The following PCDH15 variants were observed in gnomAD, a reference collection of about 807,000 sequenced individuals.
PCDH15 encodes the protein protocadherin-15.
Under a neutral mutation model 178.5 loss-of-function variants are expected in PCDH15, and 129 were observed. That is an observed-to-expected ratio of 0.72 (90% CI 0.63 to 0.84). PCDH15 has a LOEUF of 0.84. Ranked by LOEUF, PCDH15 falls within the 40% of genes least tolerant of loss-of-function variation. The pLI is 0.00. For missense variants in PCDH15, 2,230 were observed against 2,099.9 expected, an observed-to-expected ratio of 1.06 and a Z score of -1.21; for synonymous variants, 800 against 732.0, an observed-to-expected ratio of 1.09 and a Z score of -1.50.
At chr10:54,442,403 G>T (rs1276596084) in intron 3 of PCDH15, among the ~76,000 whole-genome samples, 1 of 41,722 alleles carries the variant, frequency 2.4e-5, no homozygotes, top group Non-Finnish European at 4.7e-5. Context: ...AAAAAAAAAA[G>T]GCCTTAAAGG....
intron 2 of PCDH15, among the ~76,000 whole-genome samples, chr10:54,619,479 G>A (rs2093287615): frequency 6.6e-6 from 1 of 152,046 alleles, no homozygotes; most frequent in Non-Finnish European, 1.5e-5. Context: ...TGATACTGAT[G>A]AGAAACACAT....
intron 29 of PCDH15, among the ~76,000 whole-genome samples, chr10:53,837,103 C>A (rs1203592017): frequency 8.9e-6 from 1 of 112,060 alleles, no homozygotes; most frequent in Non-Finnish European, 1.8e-5. Flanking sequence ...TCTATGTGGG[C>A]GGGGGAGGGG....
intron 2 of PCDH15, among the ~76,000 whole-genome samples, chr10:55,437,587 A>C (rs1362342882): frequency 6.6e-6 from 1 of 152,156 alleles, no homozygotes; most frequent in East Asian, 1.9e-4. Context: ...GACAGAAAGC[A>C]CTATTCATTG....
intron 5 of PCDH15, among the ~76,000 whole-genome samples, chr10:54,353,517 T>C (rs1034995013): frequency 2.0e-5 from 3 of 152,162 alleles, no homozygotes; most frequent in African/African-American, 7.2e-5. Flanking sequence ...TAAAATTTCC[T>C]AATATCCCTG....
At position 54,167,329 on chromosome 10, in the gene PCDH15, C is replaced by T. The variant is rs2133546611; in HGVS notation, c.1591-14036G>A. On this transcript the variant is annotated intron_variant, in intron 13 of 37. Transcript: ENST00000644397. Reference sequence around the variant, plus strand: ...AACCTCTCTCACTGTCCCTCAACCACTTTCTCCTTTCCACTCTTCAATCTC... The same window carrying T: ...AACCTCTCTCACTGTCCCTCAACCATTTTCTCCTTTCCACTCTTCAATCTC... Among the ~76,000 whole-genome samples the T allele has an allele frequency of 1.3e-5, 2 of 152,286 alleles. 1 individual carries two copies. The highest frequency in any genetic ancestry group is 6.8e-3 in the Middle Eastern group (2 of 294).
chr10:55,056,610 T>TTTATTATTATTATTATTA (rs60186759), intron 2 of PCDH15, among the ~76,000 whole-genome samples: 1 of 142,992 alleles, frequency 7.0e-6, no homozygotes, highest in African/African-American at 2.6e-5. Flanking sequence ...TTTATTTTGT[T>TTTATTATTATTATTATTA]TTATTATTAT....
intron 2 of PCDH15, among the ~76,000 whole-genome samples, chr10:55,343,310 C>CAA (rs544485917): frequency 2.6e-5 from 4 of 152,170 alleles, no homozygotes; most frequent in African/African-American, 9.6e-5. Flanking sequence ...TGTATGCTAT[C>CAA]AAAAACAAAA....
chr10:53,845,172 T>TTA (rs1214167127), intron 28 of PCDH15, among the ~76,000 whole-genome samples: 2 of 151,738 alleles, frequency 1.3e-5, no homozygotes, highest in South Asian at 2.1e-4. Flanking sequence ...CAATGAAATA[T>TTA]TATCTCATCC....
intron 1 of PCDH15, among the ~76,000 whole-genome samples, chr10:54,769,517 G>A (rs369380643): frequency 1.1e-4 from 16 of 151,120 alleles, no homozygotes; most frequent in Non-Finnish European, 1.6e-4. Flanking sequence ...TAGTGTGTGC[G>A]TCACCAAGAT....
chr10:54,905,094 C>T (rs904931849), intron 2 of PCDH15, among the ~76,000 whole-genome samples: 2 of 151,884 alleles, frequency 1.3e-5, no homozygotes, highest in African/African-American at 2.4e-5. Flanking sequence ...TGTCTGAGGT[C>T]CCACACCTAA....
At chr10:55,414,825 TAG>T (rs1838438280) in intron 2 of PCDH15, among the ~76,000 whole-genome samples, 2 of 150,174 alleles carry the variant, frequency 1.3e-5, no homozygotes, top group Non-Finnish European at 3.0e-5. Flanking sequence ...GTGTTGTGTA[TAG>T]AGTCTTTAGG....
At chr10:55,107,967 A>G (rs1239022749) in intron 2 of PCDH15, among the ~76,000 whole-genome samples, 1 of 152,144 alleles carries the variant, frequency 6.6e-6, no homozygotes, top group Non-Finnish European at 1.5e-5. Flanking sequence ...TGGAGATGAG[A>G]CATTTGGAAG....
At chr10:54,614,759 T>C (rs2093075430) in intron 2 of PCDH15, among the ~76,000 whole-genome samples, 1 of 152,008 alleles carries the variant, frequency 6.6e-6, no homozygotes, top group South Asian at 2.1e-4. Context: ...TCCACTTGCA[T>C]ACTCCTGTGT....
chr10:54,615,249 T>G (rs1485707233), intron 2 of PCDH15, among the ~76,000 whole-genome samples: 1 of 152,068 alleles, frequency 6.6e-6, no homozygotes, highest in Non-Finnish European at 1.5e-5. Context: ...GGGTTATTTC[T>G]ATTGGCAGCC....
intron 2 of PCDH15, among the ~76,000 whole-genome samples, chr10:54,960,091 G>A (rs1221721549): frequency 6.6e-6 from 1 of 152,016 alleles, no homozygotes; most frequent in Non-Finnish European, 1.5e-5. Flanking sequence ...TACTTCACCT[G>A]GAAAATGCTT....
chr10:54,171,386 A>C (rs1564596389), intron 13 of PCDH15, among the ~76,000 whole-genome samples: 1 of 152,186 alleles, frequency 6.6e-6, no homozygotes. Context: ...AGAATGCTAC[A>C]GGGGTACAGC....
At chr10:54,278,745 G>A (rs1196723280) in intron 8 of PCDH15, among the ~76,000 whole-genome samples, 1 of 151,500 alleles carries the variant, frequency 6.6e-6, no homozygotes, top group Middle Eastern at 3.2e-3. Context: ...TTTATGAGGA[G>A]CCTGTGGAGA....
At chr10:55,024,910 G>C (rs72800095) in intron 2 of PCDH15, among the ~76,000 whole-genome samples, 11,145 of 151,902 alleles carry the variant, frequency 0.073, 590 homozygotes, top group Non-Finnish European at 0.12. Context: ...TCTTTAACTC[G>C]TTCTCCAGGC....
chr10:53,939,559 C>G (rs1164919910), intron 24 of PCDH15, among the ~76,000 whole-genome samples: 2 of 151,928 alleles, frequency 1.3e-5, no homozygotes, highest in Non-Finnish European at 2.9e-5. Flanking sequence ...CATATTCTCT[C>G]CTTACTTTAT....
Sources: allele counts gnomAD v4.1 joint callset (sites outside exome capture counted in the v4.1 genomes callset), GRCh38; gene constraint gnomAD v4.1.1; transcripts MANE v1.5; gene names NCBI Gene and HGNC (gene_info 2026-07-23, HGNC 2026-07-21).